The following PITPNC1 variants were observed in gnomAD, a reference collection of about 807,000 sequenced individuals.
The protein encoded by PITPNC1 is cytoplasmic phosphatidylinositol transfer protein 1.
Under a neutral mutation model 44.7 loss-of-function variants are expected in PITPNC1, and 18 were observed. The ratio of observed to expected loss-of-function variants is 0.40; its 90% CI spans 0.28 to 0.60. PITPNC1 has a LOEUF of 0.60. Ranked by LOEUF, PITPNC1 falls within the 20% of genes least tolerant of loss-of-function variation. PITPNC1 has a pLI of 0.39. For missense variants in PITPNC1, 290 were observed against 418.4 expected, an observed-to-expected ratio of 0.69 and a Z score of 2.68; for synonymous variants, 141 against 149.6, an observed-to-expected ratio of 0.94 and a Z score of 0.42.
intron 1 of PITPNC1, among the ~76,000 whole-genome samples, chr17:67,484,200 G>A (rs555820413): frequency 6.6e-6 from 1 of 152,066 alleles, no homozygotes; most frequent in South Asian, 2.1e-4. Context: ...TTACAGGGGC[G>A]AGCCTCCACA....
intron 1 of PITPNC1, among the ~76,000 whole-genome samples, chr17:67,466,577 A>C (rs1292904996): frequency 6.6e-6 from 1 of 152,180 alleles, no homozygotes; most frequent in Non-Finnish European, 1.5e-5. Context: ...TAACACAGTA[A>C]GTTCAGCAGT....
In PITPNC1 at chr17:67,572,475, G is replaced by T. The variant is rs551324895; in HGVS notation, c.295-5711G>T. Among the ~76,000 whole-genome samples the T allele has an allele frequency of 1.7e-5, 2 of 116,624 alleles. 1 individual carries two copies. Among genetic ancestry groups the T allele is most frequent in the African/African-American group, 6.3e-5 (2 of 31,846 alleles). 76.5% of individuals were successfully genotyped at this position (116,624 alleles called of 152,430 possible). ...TGAAGAAGCTGGGTAAAGCGGGGGG[G>T]GGGGGTAAAGAAGAAGGGGGGTGAC... On this transcript the variant is annotated intron_variant, in intron 4 of 8. Transcript: ENST00000581322.
intron 1 of PITPNC1, among the ~76,000 whole-genome samples, chr17:67,425,638 C>G (rs1380118027): frequency 6.6e-6 from 1 of 151,802 alleles, no homozygotes; most frequent in Non-Finnish European, 1.5e-5. Flanking sequence ...CTTCCTGCCT[C>G]CACCTCCCAA....
At chr17:67,578,931 G>A (rs528690444) in intron 5 of PITPNC1, among the ~76,000 whole-genome samples, 14 of 152,304 alleles carry the variant, frequency 9.2e-5, no homozygotes, top group Non-Finnish European at 1.5e-4. Context: ...ACAGTGAGCC[G>A]AGGTTGCACC....
intron 1 of PITPNC1, among the ~76,000 whole-genome samples, chr17:67,504,828 G>A (rs2040080365): frequency 6.6e-6 from 1 of 152,176 alleles, no homozygotes; most frequent in Non-Finnish European, 1.5e-5. Context: ...GGAAGGTTAA[G>A]TTATTGATGC....
chr17:67,681,766 TC>T (rs1315814024), intron 8 of PITPNC1, among the ~76,000 whole-genome samples: 1 of 152,058 alleles, frequency 6.6e-6, no homozygotes, highest in Non-Finnish European at 1.5e-5. Flanking sequence ...CATTTGCCCA[TC>T]TGATAGCAAA....
intron 5 of PITPNC1, among the ~76,000 whole-genome samples, chr17:67,584,731 G>A (rs1035628134): frequency 1.7e-4 from 26 of 152,150 alleles, no homozygotes; most frequent in African/African-American, 6.3e-4. Context: ...TGTCTCAAGT[G>A]TCAATGAACC....
chr17:67,545,754 T>G (rs1285484983), intron 2 of PITPNC1, among the ~76,000 whole-genome samples: 1 of 152,150 alleles, frequency 6.6e-6, no homozygotes, highest in Non-Finnish European at 1.5e-5. Context: ...TCTATACATA[T>G]ATATATACAC....
intron 1 of PITPNC1, among the ~76,000 whole-genome samples, chr17:67,416,583 C>T (rs569466541): frequency 3.3e-5 from 5 of 152,204 alleles, no homozygotes; most frequent in South Asian, 2.1e-4. Flanking sequence ...GCAGATGCAG[C>T]GTATTTCTGC....
chr17:67,474,248 T>C (rs1162790913), intron 1 of PITPNC1, among the ~76,000 whole-genome samples: 1 of 151,984 alleles, frequency 6.6e-6, no homozygotes, highest in Non-Finnish European at 1.5e-5. Context: ...TTTGGGAGGG[T>C]CGATTTCCAT....
intron 2 of PITPNC1, among the ~76,000 whole-genome samples, chr17:67,551,131 C>T (rs1452393894): frequency 1.3e-5 from 2 of 151,956 alleles, no homozygotes; most frequent in Non-Finnish European, 2.9e-5. Context: ...AGAAATATTA[C>T]ATATTTCAAT....
At chr17:67,667,073 G>C (rs1162644460) in intron 6 of PITPNC1, among the ~76,000 whole-genome samples, 1 of 152,178 alleles carries the variant, frequency 6.6e-6, no homozygotes, top group Non-Finnish European at 1.5e-5. Flanking sequence ...GTTTCTCCTG[G>C]GAGGGGAGAT....
intron 1 of PITPNC1, among the ~76,000 whole-genome samples, chr17:67,420,799 G>A (rs1339096927): frequency 1.3e-5 from 2 of 152,036 alleles, no homozygotes; most frequent in Non-Finnish European, 2.9e-5. Context: ...TTTTCTCGTT[G>A]TAGAAGCACT....
chr17:67,502,996 A>G (rs1024482923), intron 1 of PITPNC1, among the ~76,000 whole-genome samples: 1 of 152,030 alleles, frequency 6.6e-6, no homozygotes, highest in African/African-American at 2.4e-5. Context: ...GGGTCTCACC[A>G]TGTTGGCCAG....
intron 8 of PITPNC1, chr17:67,687,132 G>A (rs773704561): frequency 1.9e-6 from 3 of 1,611,674 alleles, no homozygotes; most frequent in Non-Finnish European, 8.5e-7. Flanking sequence ...ATAAAAGTTT[G>A]CAATCAGCAT....
chr17:67,531,237 T>G (rs1245703503), intron 1 of PITPNC1, among the ~76,000 whole-genome samples: 2 of 152,204 alleles, frequency 1.3e-5, no homozygotes, highest in Non-Finnish European at 2.9e-5. Flanking sequence ...AGTGAGACCC[T>G]GTCTCAAACA....
At chr17:67,515,402 C>T (rs889708623) in intron 1 of PITPNC1, among the ~76,000 whole-genome samples, 1 of 152,126 alleles carries the variant, frequency 6.6e-6, no homozygotes, top group South Asian at 2.1e-4. Flanking sequence ...GTGGACAGTC[C>T]TGAATGTATA....
At position 67,633,837 on chromosome 17, in the gene PITPNC1, T is replaced by G. The variant is rs867054320; in HGVS notation, c.462+1599T>G. On this transcript the variant is annotated intron_variant, in intron 6 of 8. Transcript: ENST00000581322. ...GTCCTACCTGGACCTCCCGGCCTCT[T>G]TGGGAGCTCTGGGCCTTCCAGGAAA... 2.6e-5 allele frequency among the ~76,000 whole-genome samples: 4 copies of G among 152,226 alleles called. 1 individual carries two copies. The South Asian group carries it at 8.3e-4, about 31-fold the overall frequency.
intron 1 of PITPNC1, among the ~76,000 whole-genome samples, chr17:67,398,087 C>T (rs1245795514): frequency 7.4e-6 from 1 of 134,860 alleles, no homozygotes; most frequent in East Asian, 2.0e-4. Flanking sequence ...AGCGAGACTC[C>T]GTCTCCAAAA....
Sources: allele counts gnomAD v4.1 joint callset (sites outside exome capture counted in the v4.1 genomes callset), GRCh38; gene constraint gnomAD v4.1.1; transcripts MANE v1.5; gene names NCBI Gene and HGNC (gene_info 2026-07-23, HGNC 2026-07-21).